Variants in TUSC3 observed in about 807,000 individuals in gnomAD.
TUSC3 encodes the protein dolichyl-diphosphooligosaccharide--protein glycosyltransferase subunit TUSC3.
Under a neutral mutation model 44.8 loss-of-function variants are expected in TUSC3, and 45 were observed. That is an observed-to-expected ratio of 1.00 (90% CI 0.79 to 1.29). TUSC3 has a LOEUF of 1.29. Ranked by LOEUF, TUSC3 falls within the 50% of genes most tolerant of loss-of-function variation. The probability of loss-of-function intolerance (pLI) is 0.00; values close to 1 mark genes in which losing one functional copy is unlikely to be tolerated. For missense variants in TUSC3, 519 were observed against 437.9 expected (o/e 1.19, Z -1.65); for synonymous variants, 212 against 152.9 (o/e 1.39, Z -2.85).
intron 6 of TUSC3, among the ~76,000 whole-genome samples, chr8:15,726,998 A>T (rs967213951): frequency 5.9e-5 from 9 of 152,308 alleles, no homozygotes; most frequent in Non-Finnish European, 1.3e-4. Flanking sequence ...TATATATTTT[A>T]GAATAAATTA....
At position 15,577,528 on chromosome 8, in the gene TUSC3, A is replaced by C. The variant is rs571860017; in HGVS notation, c.138+36960A>C. Reference sequence around the variant, plus strand: ...AAGGGATCCAGTTTCAGCTTTCTACATATGGCTAGCCAGTTTTCCCAGCAC... The same window carrying C: ...AAGGGATCCAGTTTCAGCTTTCTACCTATGGCTAGCCAGTTTTCCCAGCAC... On this transcript the variant is annotated intron_variant, in intron 1 of 10. Coordinates refer to ENST00000503731, the MANE Select transcript of TUSC3 (RefSeq NM_006765.4). Among the ~76,000 whole-genome samples, 359 of 150,382 alleles carry C rather than the reference A, an allele frequency of 2.4e-3. 7 individuals are homozygous for C. Among genetic ancestry groups the C allele is most frequent in the Admixed American group, 0.012 (183 of 15,016 alleles).
chr8:15,496,582 C>T (rs1486158335), intron 2 of TUSC3, among the ~76,000 whole-genome samples: 1 of 152,170 alleles, frequency 6.6e-6, no homozygotes, highest in Non-Finnish European at 1.5e-5. Flanking sequence ...CCTTACCAGG[C>T]TCAGCACATT....
At chr8:15,681,682 T>G (rs1228102982) in intron 6 of TUSC3, among the ~76,000 whole-genome samples, 1 of 152,012 alleles carries the variant, frequency 6.6e-6, no homozygotes, top group African/African-American at 2.4e-5. Flanking sequence ...AATTATGCTC[T>G]GATTTTAGTT....
intron 2 of TUSC3, among the ~76,000 whole-genome samples, chr8:15,499,637 G>C (rs1324720748): frequency 1.3e-5 from 2 of 152,120 alleles, no homozygotes; most frequent in Admixed American, 1.3e-4. Context: ...CAACTTCACT[G>C]GTCCACGGGG....
At chr8:15,507,631 G>A (rs1014292481) in intron 2 of TUSC3, among the ~76,000 whole-genome samples, 2 of 151,924 alleles carry the variant, frequency 1.3e-5, no homozygotes, top group South Asian at 2.1e-4. Flanking sequence ...GGATGATTTC[G>A]GAAACCTCCC....
chr8:15,523,660 ATATATGTGTG>A (rs1368309521), intron 2 of TUSC3, among the ~76,000 whole-genome samples: 9 of 16,400 alleles, frequency 5.5e-4, no homozygotes, highest in African/African-American at 1.6e-3. Context: ...ATATATATAT[ATATATGTGTG>A]TGTGTGTGTG....
intron 7 of TUSC3, among the ~76,000 whole-genome samples, chr8:15,740,322 A>C (rs961897790): frequency 1.3e-5 from 2 of 152,182 alleles, no homozygotes; most frequent in Non-Finnish European, 2.9e-5. Flanking sequence ...AGCAGGAAAC[A>C]ACCACCAAAA....
intron 1 of TUSC3, among the ~76,000 whole-genome samples, chr8:15,570,908 T>C (rs1802846347): frequency 6.8e-6 from 1 of 146,430 alleles, no homozygotes; most frequent in South Asian, 2.1e-4. Context: ...ATCTTATATA[T>C]ATTAAAACAT....
At chr8:15,814,180 C>T in the TUSC3 span, among the ~76,000 whole-genome samples, 2 of 152,154 alleles carry the variant, frequency 1.3e-5, no homozygotes, top group Non-Finnish European at 2.9e-5. Flanking sequence ...ATTAAGAACT[C>T]AATTTAATGT....
chr8:15,427,918 A>AT (rs1799825102), intron 1 of TUSC3, among the ~76,000 whole-genome samples: 1 of 151,844 alleles, frequency 6.6e-6, no homozygotes, highest in Non-Finnish European at 1.5e-5. Context: ...TTGTGAGTTG[A>AT]TTTTTGCATA....
chr8:15,538,646 A>C (rs1417035257), upstream of TUSC3, among the ~76,000 whole-genome samples: 1 of 152,172 alleles, frequency 6.6e-6, no homozygotes, highest in Non-Finnish European at 1.5e-5. Context: ...TTTGTATTGA[A>C]AAAATCGTAA....
intron 1 of TUSC3, among the ~76,000 whole-genome samples, chr8:15,462,611 A>G (rs773814474): frequency 2.0e-5 from 3 of 152,140 alleles, no homozygotes; most frequent in East Asian, 1.9e-4. Flanking sequence ...AGCTAACTCT[A>G]TGTTTAAACC....
intron 6 of TUSC3, among the ~76,000 whole-genome samples, chr8:15,722,940 G>T (rs769464879): frequency 6.6e-6 from 1 of 152,018 alleles, no homozygotes; most frequent in African/African-American, 2.4e-5. Flanking sequence ...CCCACAAAAT[G>T]TAGTTATTTA....
At chr8:15,840,605 A>G in the TUSC3 span, among the ~76,000 whole-genome samples, 1 of 152,160 alleles carries the variant, frequency 6.6e-6, no homozygotes, top group Admixed American at 6.6e-5. Flanking sequence ...TAATTTCTGA[A>G]GTTTCTTAAT....
intron 1 of TUSC3, among the ~76,000 whole-genome samples, chr8:15,425,996 A>G (rs945789233): frequency 2.6e-5 from 4 of 152,244 alleles, no homozygotes; most frequent in African/African-American, 7.2e-5. Flanking sequence ...AGCCTGGACA[A>G]CAGATTGAGG....
At chr8:15,692,375 GT>G (rs59838929) in intron 6 of TUSC3, among the ~76,000 whole-genome samples, 757 of 68,338 alleles carry the variant, frequency 0.011, 12 homozygotes, top group South Asian at 0.038. Flanking sequence ...CCCCCCCTTT[GT>G]TTTTTTTTTT....
chr8:15,775,219 G>T, the TUSC3 span, among the ~76,000 whole-genome samples: 4 of 152,216 alleles, frequency 2.6e-5, no homozygotes, highest in South Asian at 8.3e-4. Context: ...AAGCCACATA[G>T]TATATCATTC....
intron 7 of TUSC3, among the ~76,000 whole-genome samples, chr8:15,737,729 T>C (rs1370239020): frequency 6.6e-6 from 1 of 152,152 alleles, no homozygotes; most frequent in Non-Finnish European, 1.5e-5. Context: ...AACGTAACAT[T>C]CTTTTTGGTC....
At chr8:15,448,824 G>A (rs1800146561) in intron 1 of TUSC3, among the ~76,000 whole-genome samples, 1 of 152,142 alleles carries the variant, frequency 6.6e-6, no homozygotes, top group South Asian at 2.1e-4. Flanking sequence ...ATGCATTTTG[G>A]TCAACAGACT....
Sources: allele counts gnomAD v4.1 joint callset (sites outside exome capture counted in the v4.1 genomes callset), GRCh38; gene constraint gnomAD v4.1.1; transcripts MANE v1.5; gene names NCBI Gene and HGNC (gene_info 2026-07-23, HGNC 2026-07-21).